The following DYNC1I1 variants were observed in gnomAD, a reference collection of about 807,000 sequenced individuals.
DYNC1I1 encodes the protein dynein cytoplasmic 1 intermediate chain 1.
A neutral mutation model predicts 86.6 loss-of-function variants in DYNC1I1; 43 were observed. The ratio of observed to expected loss-of-function variants is 0.50; its 90% CI spans 0.39 to 0.64. The LOEUF (loss-of-function observed/expected upper bound fraction) is 0.64, where lower values mean the gene tolerates loss of function less well. Among genes scored for constraint, DYNC1I1 ranks in the 30% least tolerant of loss-of-function variants. DYNC1I1 has a pLI of 0.00. For missense variants in DYNC1I1, 604 were observed against 788.8 expected (o/e 0.77, Z 2.81); for synonymous variants, 262 against 283.7 (o/e 0.92, Z 0.77).
chr7:95,990,963 A>G (rs528983287), intron 9 of DYNC1I1, among the ~76,000 whole-genome samples: 47 of 152,128 alleles, frequency 3.1e-4, no homozygotes, highest in Non-Finnish European at 5.9e-4. Context: ...CTGGAGGCAG[A>G]GGTTGCAGTG....
intron 16 of DYNC1I1, among the ~76,000 whole-genome samples, chr7:96,087,267 A>T (rs1208376356): frequency 6.6e-6 from 1 of 152,170 alleles, no homozygotes; most frequent in Non-Finnish European, 1.5e-5. Flanking sequence ...TAGATTTGGG[A>T]GGTTAATTCA....
chr7:95,819,042 G>C (rs1018004385), intron 4 of DYNC1I1: 2 of 152,062 alleles, frequency 1.3e-5, no homozygotes, highest in Non-Finnish European at 2.9e-5. Flanking sequence ...AGGGAGGTGA[G>C]GCCCCTCTCA....
chr7:95,835,746 TG>T (rs1393165776), intron 5 of DYNC1I1, among the ~76,000 whole-genome samples: 1 of 152,024 alleles, frequency 6.6e-6, no homozygotes, highest in Non-Finnish European at 1.5e-5. Context: ...TTGTCTCTTT[TG>T]ATCTTTGTTG....
chr7:95,950,004 A>T (rs1792509651), intron 6 of DYNC1I1, among the ~76,000 whole-genome samples: 1 of 152,122 alleles, frequency 6.6e-6, no homozygotes, highest in Admixed American at 6.6e-5. Context: ...AATCTTACCT[A>T]AAAAATGCTT....
At chr7:96,023,757 G>T (rs768683278) in intron 10 of DYNC1I1, among the ~76,000 whole-genome samples, 3 of 152,096 alleles carry the variant, frequency 2.0e-5, no homozygotes, top group Non-Finnish European at 4.4e-5. Context: ...ATAAGGAGGT[G>T]GTCTGTCTTT....
At chr7:95,996,192 C>T in intron 10 of DYNC1I1, 119 bp downstream of exon 10, 2 of 1,487,612 alleles carry the variant, frequency 1.3e-6, no homozygotes, top group Non-Finnish European at 1.8e-6. Flanking sequence ...AAATTGTTGA[C>T]AATTTTGGAA....
At chr7:95,933,329 T>G (rs2116416972) in intron 6 of DYNC1I1, among the ~76,000 whole-genome samples, 1 of 152,318 alleles carries the variant, frequency 6.6e-6, no homozygotes, top group African/African-American at 2.4e-5. Flanking sequence ...ACAGCCGGTT[T>G]GAGATTCTCA....
At chr7:96,059,069 TACA>T (rs2116155532) in intron 14 of DYNC1I1, among the ~76,000 whole-genome samples, 1 of 152,298 alleles carries the variant, frequency 6.6e-6, no homozygotes, top group East Asian at 1.9e-4. Context: ...ACCTTCTGGT[TACA>T]ACATTTTCAT....
At chr7:95,788,932 T>G (rs1794218568) in intron 1 of DYNC1I1, among the ~76,000 whole-genome samples, 1 of 152,208 alleles carries the variant, frequency 6.6e-6, no homozygotes, top group African/African-American at 2.4e-5. Context: ...TCTTGAAAAT[T>G]TAGATATAAT....
At chr7:96,093,497 T>A (rs545901794) in intron 16 of DYNC1I1, among the ~76,000 whole-genome samples, 74 of 152,338 alleles carry the variant, frequency 4.9e-4, no homozygotes, top group African/African-American at 1.7e-3. Flanking sequence ...TAAAAGGTGA[T>A]CTCTTTTAGA....
intron 1 of DYNC1I1, among the ~76,000 whole-genome samples, chr7:95,789,093 C>A (rs189405767): frequency 6.6e-6 from 1 of 152,284 alleles, no homozygotes; most frequent in Non-Finnish European, 1.5e-5. Context: ...AAAAAATACA[C>A]ATGAGTATCA....
chr7:95,980,555 T>G (rs1430958917), intron 7 of DYNC1I1, among the ~76,000 whole-genome samples: 2 of 148,918 alleles, frequency 1.3e-5, no homozygotes, highest in African/African-American at 4.9e-5. Flanking sequence ...TTTTTTTTTT[T>G]TTTTTTTGGA....
rs933821024 is a variant in DYNC1I1, at chr7:96,003,782, C to G, written c.969+7709C>G. On this transcript the variant is annotated intron_variant, in intron 10 of 16. Coordinates refer to ENST00000447467, the MANE Select transcript of DYNC1I1 (RefSeq NM_001135556.2). Reference sequence around the variant, plus strand: ...GCCACTACCACCCCCGAGAGGGATACTTGTATATTGCTTTGTCTTGTTTAT... The same window carrying G: ...GCCACTACCACCCCCGAGAGGGATAGTTGTATATTGCTTTGTCTTGTTTAT... Among the ~76,000 whole-genome samples the G allele has an allele frequency of 2.6e-4, 40 of 152,174 alleles. 1 individual carries two copies. Among genetic ancestry groups the G allele is most frequent in the Admixed American group, 2.4e-3 (37 of 15,280 alleles).
At chr7:95,958,754 G>C (rs1196257808) in intron 6 of DYNC1I1, among the ~76,000 whole-genome samples, 3 of 152,136 alleles carry the variant, frequency 2.0e-5, no homozygotes, top group Non-Finnish European at 4.4e-5. Flanking sequence ...ATCATATTCA[G>C]AATACATTGA....
intron 6 of DYNC1I1, among the ~76,000 whole-genome samples, chr7:95,929,780 CT>C (rs1295589997): frequency 1.3e-5 from 2 of 152,224 alleles, no homozygotes; most frequent in African/African-American, 4.8e-5. Flanking sequence ...GCATTCATGG[CT>C]AACATCTTTC....
intron 6 of DYNC1I1, among the ~76,000 whole-genome samples, chr7:95,898,211 A>C (rs1259314391): frequency 6.6e-6 from 1 of 152,192 alleles, no homozygotes; most frequent in Non-Finnish European, 1.5e-5. Flanking sequence ...CCACATGCCA[A>C]ATGTTAATGA....
At chr7:95,956,018 A>T (rs970154240) in intron 6 of DYNC1I1, among the ~76,000 whole-genome samples, 1 of 152,236 alleles carries the variant, frequency 6.6e-6, no homozygotes, top group Non-Finnish European at 1.5e-5. Context: ...AAAAGTAGCT[A>T]CTACTTGCAG....
At chr7:95,970,482 G>A (rs892698678) in intron 6 of DYNC1I1, among the ~76,000 whole-genome samples, 7 of 152,202 alleles carry the variant, frequency 4.6e-5, no homozygotes, top group Non-Finnish European at 1.0e-4. Context: ...CACAAAGGGT[G>A]TGCTGGGGAA....
intron 9 of DYNC1I1, among the ~76,000 whole-genome samples, chr7:95,991,229 C>T (rs537465464): frequency 6.6e-5 from 10 of 152,214 alleles, no homozygotes; most frequent in African/African-American, 1.7e-4. Flanking sequence ...CAGTGACTTC[C>T]GTGATGATGC....
Sources: gnomAD v4.1 joint callset for allele counts (sites outside exome capture counted in the v4.1 genomes callset) on GRCh38, gnomAD v4.1.1 for gene constraint, MANE v1.5 for transcripts, NCBI Gene and HGNC (gene_info 2026-07-23, HGNC 2026-07-21) for gene names.